KCNAB1: variants seen among roughly 807,000 people sequenced by gnomAD.
KCNAB1 encodes potassium voltage-gated channel subfamily A regulatory beta subunit 1, also known as voltage-gated potassium channel subunit beta-1.
KCNAB1 carries 35 observed loss-of-function variants against 64.6 expected under a neutral mutation model. That is an observed-to-expected ratio of 0.54 (90% CI 0.41 to 0.72). KCNAB1 has a LOEUF of 0.72. Ranked by LOEUF, KCNAB1 falls within the 30% of genes least tolerant of loss-of-function variation. The probability of loss-of-function intolerance (pLI) is 0.00; values close to 1 mark genes in which losing one functional copy is unlikely to be tolerated. For missense variants in KCNAB1, 401 were observed against 512.9 expected (o/e 0.78, Z 2.11); for synonymous variants, 177 against 183.8 (o/e 0.96, Z 0.30).
At chr3:156,231,493 C>T (rs1716522895) in intron 1 of KCNAB1, among the ~76,000 whole-genome samples, 1 of 117,330 alleles carries the variant, frequency 8.5e-6, no homozygotes, top group South Asian at 3.4e-4. Flanking sequence ...CCCCTCCCCT[C>T]CCCTCCCTCC....
At chr3:156,411,450 T>C (rs35028172) in intron 1 of KCNAB1, among the ~76,000 whole-genome samples, 27,126 of 152,080 alleles carry the variant, frequency 0.18, 3,138 homozygotes, top group Non-Finnish European at 0.26. Context: ...GTCACACATA[T>C]TTTCTCCCAT....
At position 156,514,621 on chromosome 3, in the gene KCNAB1, G is replaced by A. The variant is rs1489110934; in HGVS notation, c.744+172G>A. ...TGGATATTGGAGCCGGAGCTCATCC[G>A]TTCAGAATACAACAGAGAATACAGT... is the stretch of plus-strand genomic sequence containing the variant. On this transcript the variant is annotated intron_variant, in intron 9 of 13. Coordinates refer to ENST00000490337, the MANE Select transcript of KCNAB1 (RefSeq NM_172160.3). Among the ~76,000 whole-genome samples the A allele has an allele frequency of 3.9e-5, 6 of 152,130 alleles. No homozygotes were observed. In the South Asian group the frequency reaches 8.3e-4, roughly 21 times the overall value.
rs571945429 is a variant in KCNAB1 at position 156,353,758 on chromosome 3, C to A, written c.276-67858C>A. On this transcript the variant is annotated intron_variant, in intron 1 of 13. Coordinates refer to ENST00000490337, the MANE Select transcript of KCNAB1 (RefSeq NM_172160.3). ...GTTCACAACAGGGAGGCTGGCTTCC[C>A]GCAGGGTGAGCAAGCCAGAGAGGGC... Among the ~76,000 whole-genome samples, 8 of 152,314 alleles carry A rather than the reference C, an allele frequency of 5.3e-5. No homozygotes were observed. In the South Asian group the frequency reaches 1.2e-3, roughly 24 times the overall value.
chr3:156,402,570 A>G (rs1681430998), intron 1 of KCNAB1, among the ~76,000 whole-genome samples: 2 of 152,232 alleles, frequency 1.3e-5, no homozygotes, highest in Admixed American at 1.3e-4. Flanking sequence ...AGATAAGACA[A>G]TGATATGTGA....
chr3:156,514,323 T>TAG, intron 8 of KCNAB1, 41 bp from the exon 9 acceptor site: 3 of 1,506,236 alleles, frequency 2.0e-6, no homozygotes, highest in Non-Finnish European at 2.8e-6. Flanking sequence ...CTTTGAAAAG[T>TAG]AGACAAATTC....
chr3:156,209,044 G>T (rs527432886), intron 1 of KCNAB1, among the ~76,000 whole-genome samples: 1 of 152,178 alleles, frequency 6.6e-6, no homozygotes, highest in Admixed American at 6.5e-5. Context: ...TAAAAGAGGC[G>T]TAAGATACTA....
intron 12 of KCNAB1, 58 bp from the exon 13 acceptor site, chr3:156,531,351 A>G (rs1325122670): frequency 2.4e-6 from 3 of 1,252,426 alleles, no homozygotes; most frequent in Non-Finnish European, 3.5e-6. Context: ...AGGTGTTTAT[A>G]AGCTAATCAA....
chr3:156,326,575 C>G (rs957362226), intron 1 of KCNAB1, among the ~76,000 whole-genome samples: 1 of 152,136 alleles, frequency 6.6e-6, no homozygotes, highest in Non-Finnish European at 1.5e-5. Flanking sequence ...AGCAACTTCT[C>G]CAACCTCAAT....
intron 2 of KCNAB1, among the ~76,000 whole-genome samples, chr3:156,451,172 G>A (rs973123541): frequency 2.0e-5 from 3 of 152,202 alleles, no homozygotes; most frequent in Admixed American, 2.0e-4. Flanking sequence ...TTGTTTAAAT[G>A]TTGGCAACTT....
chr3:156,351,350 G>A (rs1294030090), intron 1 of KCNAB1, among the ~76,000 whole-genome samples: 2 of 152,164 alleles, frequency 1.3e-5, no homozygotes, highest in Admixed American at 6.5e-5. Context: ...TTGGGAAGAG[G>A]CAATAGAGAC....
chr3:156,533,822 T>C (rs1330772218), intron 13 of KCNAB1, among the ~76,000 whole-genome samples: 1 of 152,090 alleles, frequency 6.6e-6, no homozygotes, highest in East Asian at 1.9e-4. Context: ...CTGCCATTCC[T>C]GGGGGCAGTC....
intron 1 of KCNAB1, among the ~76,000 whole-genome samples, chr3:156,179,927 G>A (rs1212155348): frequency 6.6e-6 from 1 of 152,152 alleles, no homozygotes; most frequent in Non-Finnish European, 1.5e-5. Flanking sequence ...TATTATCTAT[G>A]TGGTAGGCTC....
chr3:156,255,283 G>A (rs1213754434), intron 1 of KCNAB1, among the ~76,000 whole-genome samples: 1 of 152,198 alleles, frequency 6.6e-6, no homozygotes, highest in African/African-American at 2.4e-5. Flanking sequence ...ATATCATTAG[G>A]TTGAAGTGAT....
intron 1 of KCNAB1, among the ~76,000 whole-genome samples, chr3:156,181,492 TG>T (rs1475178671): frequency 5.3e-5 from 8 of 152,216 alleles, no homozygotes; most frequent in African/African-American, 1.9e-4. Context: ...CCTTGGGGAC[TG>T]TCAATCAAAC....
intron 1 of KCNAB1, among the ~76,000 whole-genome samples, chr3:156,257,499 C>T (rs1172782118): frequency 6.6e-6 from 1 of 152,144 alleles, no homozygotes; most frequent in African/African-American, 2.4e-5. Context: ...TTTGCCTGTT[C>T]TATGTCCAGA....
At chr3:156,373,700 C>T (rs971109449) in intron 1 of KCNAB1, among the ~76,000 whole-genome samples, 1 of 152,174 alleles carries the variant, frequency 6.6e-6, no homozygotes, top group Non-Finnish European at 1.5e-5. Context: ...TTCTATGTCT[C>T]TCTGAGACTC....
intron 1 of KCNAB1, among the ~76,000 whole-genome samples, chr3:156,216,631 A>G (rs1005879143): frequency 6.6e-6 from 1 of 152,100 alleles, no homozygotes; most frequent in Non-Finnish European, 1.5e-5. Context: ...GGCAGAGTAG[A>G]CTCTGGGGGA....
intron 11 of KCNAB1, among the ~76,000 whole-genome samples, chr3:156,520,417 CAAAAATACA>C (rs975940546): frequency 2.6e-5 from 4 of 151,912 alleles, no homozygotes; most frequent in Admixed American, 2.0e-4. Context: ...CCCATCTCTA[CAAAAATACA>C]AAAAATTAGC....
At chr3:156,380,794 A>C in intron 1 of KCNAB1, among the ~76,000 whole-genome samples, 1 of 152,202 alleles carries the variant, frequency 6.6e-6, no homozygotes, top group Non-Finnish European at 1.5e-5. Context: ...TAAGATGCTA[A>C]AGGCACAAAT....
Sources: allele counts gnomAD v4.1 joint callset (sites outside exome capture counted in the v4.1 genomes callset), GRCh38; gene constraint gnomAD v4.1.1; transcripts MANE v1.5; gene names NCBI Gene and HGNC (gene_info 2026-07-23, HGNC 2026-07-21).